GPC4: variants seen among roughly 807,000 people sequenced by gnomAD.
GPC4 encodes the protein glypican 4.
In GPC4, 10 loss-of-function variants were observed where a neutral mutation model predicts 35.0. The observed-to-expected ratio is 0.29, with a 90% confidence interval of 0.18 to 0.48. The LOEUF (loss-of-function observed/expected upper bound fraction) is 0.48. GPC4 is among the 20% of genes least tolerant of loss of function. The pLI is 0.99. For synonymous variants in GPC4, 167 were observed against 170.2 expected, an observed-to-expected ratio of 0.98 and a Z score of 0.15; for missense variants, 322 against 451.3, an observed-to-expected ratio of 0.71 and a Z score of 2.60.
intron 1 of GPC4, among the ~76,000 whole-genome samples, chrX:133,402,825 C>T (rs1276116630): frequency 9.2e-6 from 1 of 108,370 alleles, no homozygotes; most frequent in African/African-American, 3.4e-5. Flanking sequence ...ATCACTTGAA[C>T]CCAGGAGGCA....
At chrX:133,376,420 T>C (rs1031996942) in intron 1 of GPC4, among the ~76,000 whole-genome samples, 3 of 112,686 alleles carry the variant, frequency 2.7e-5, no homozygotes, top group African/African-American at 6.4e-5. Flanking sequence ...CATGCATATG[T>C]GTGCTTGTGT....
Position 133,319,443 on chromosome X carries a change from C to CAAA in GPC4, c.711+4699_711+4701dup, listed in dbSNP as rs369290840. Reference sequence around the variant, plus strand: ...TGGGTGACAGAGCAAGACCCTATGTCAAAAAAAAAAAAAAAAAAAAAAAAA... The same window carrying CAAA: ...TGGGTGACAGAGCAAGACCCTATGTCAAAAAAAAAAAAAAAAAAAAAAAAAAAA... On this transcript the variant is annotated intron_variant, in intron 3 of 8. Coordinates refer to ENST00000370828, the MANE Select transcript of GPC4 (RefSeq NM_001448.3). Among the ~76,000 whole-genome samples the CAAA allele has an allele frequency of 2.7e-3, 46 of 16,872 alleles. 3 individuals are homozygous for CAAA. Among genetic ancestry groups the CAAA allele is most frequent in the African/African-American group, 6.4e-3 (34 of 5,318 alleles). The allele number at this position is 16,872 out of a possible 115,157, so 14.7% of individuals were successfully genotyped here. A position where few individuals can be genotyped will look rare whatever the true frequency, so the allele number is the denominator to read the frequency against.
intron 4 of GPC4, among the ~76,000 whole-genome samples, chrX:133,308,679 A>G (rs1294152025): frequency 9.0e-6 from 1 of 111,338 alleles, no homozygotes; most frequent in Non-Finnish European, 1.9e-5. Flanking sequence ...TTGGAAAACC[A>G]GTTCATCCTT....
chrX:133,396,582 A>G (rs1211420733), intron 1 of GPC4, among the ~76,000 whole-genome samples: 1 of 111,919 alleles, frequency 8.9e-6, no homozygotes, highest in Admixed American at 9.6e-5. Context: ...TCTGCAAAAT[A>G]TGAGGATAAA....
At chrX:133,372,956 A>G (rs1040100647) in intron 1 of GPC4, among the ~76,000 whole-genome samples, 1 of 111,364 alleles carries the variant, frequency 9.0e-6, no homozygotes, top group East Asian at 2.8e-4. Context: ...CTCAACTTCT[A>G]TATCAGGCCC....
intron 1 of GPC4, among the ~76,000 whole-genome samples, chrX:133,384,149 G>C (rs918868683): frequency 9.0e-6 from 1 of 111,701 alleles, no homozygotes; most frequent in Non-Finnish European, 1.9e-5. Context: ...AAATGTAAAA[G>C]GCCTAACAAA....
At chrX:133,305,999 C>G (rs2047583035) in intron 5 of GPC4, 25 bp downstream of exon 5, 1 of 1,208,896 alleles carries the variant, frequency 8.3e-7, no homozygotes, top group African/African-American at 1.8e-5. Flanking sequence ...CCTAGCTCCC[C>G]TTTCCAGCAT....
intron 2 of GPC4, among the ~76,000 whole-genome samples, chrX:133,332,808 G>A (rs932878083): frequency 2.7e-5 from 3 of 112,451 alleles, no homozygotes; most frequent in African/African-American, 9.7e-5. Flanking sequence ...TAGAAATAAT[G>A]CTGTGATGAA....
At chrX:133,386,329 T>C (rs2068690137) in intron 1 of GPC4, among the ~76,000 whole-genome samples, 2 of 110,605 alleles carry the variant, frequency 1.8e-5, no homozygotes, top group African/African-American at 3.3e-5. Context: ...AAAGAATACA[T>C]ATTTGCTTGT....
In GPC4 at chrX:133,327,636, A is replaced by AGTTTGTGTGTGTGTGTGTGTGTGT. The variant is rs1289042509; in HGVS notation, c.320-3101_320-3100insACACACACACACACACACACAAAC. On this transcript the variant is annotated intron_variant, in intron 2 of 8. Transcript: ENST00000370828. Reference sequence around the variant, plus strand: ...CCATGACTCACATTCTGTCCAGGAAAGTGTGTGTGTGTGTGTGTGTGTGTG... The same window carrying AGTTTGTGTGTGTGTGTGTGTGTGT: ...CCATGACTCACATTCTGTCCAGGAAAGTTTGTGTGTGTGTGTGTGTGTGTGTGTGTGTGTGTGTGTGTGTGTGTG... Among the ~76,000 whole-genome samples, 122 of 83,282 alleles carry AGTTTGTGTGTGTGTGTGTGTGTGT rather than the reference A, an allele frequency of 1.5e-3. 1 individual carries two copies. The highest frequency in any genetic ancestry group is 5.2e-3 in the African/African-American group (117 of 22,662). The allele number at this position is 83,282 out of a possible 115,157, so 72.3% of individuals were successfully genotyped here. A position where few individuals can be genotyped will look rare whatever the true frequency, so the allele number is the denominator to read the frequency against.
At chrX:133,303,925 G>GGAAGGAAGGAAA (rs1254692972) in intron 7 of GPC4, among the ~76,000 whole-genome samples, 2 of 106,561 alleles carry the variant, frequency 1.9e-5, no homozygotes, top group Non-Finnish European at 3.9e-5. Context: ...AAGGAAGGAA[G>GGAAGGAAGGAAA]GAAGGAAGGA....
chrX:133,411,352 A>G (rs1439075034), intron 1 of GPC4, among the ~76,000 whole-genome samples: 1 of 112,546 alleles, frequency 8.9e-6, no homozygotes, highest in Non-Finnish European at 1.9e-5. Context: ...CAATTTCAAC[A>G]TAGATGAGTA....
chrX:133,321,661 A>G (rs760572104), intron 3 of GPC4, among the ~76,000 whole-genome samples: 27 of 112,032 alleles, frequency 2.4e-4, no homozygotes, highest in Non-Finnish European at 3.4e-4. Context: ...TGCTGGGTGT[A>G]CCACAATGCA....
chrX:133,367,265 C>G (rs2124156279), intron 1 of GPC4, among the ~76,000 whole-genome samples: 1 of 111,861 alleles, frequency 8.9e-6, no homozygotes, highest in East Asian at 2.8e-4. Flanking sequence ...AAATTCTACT[C>G]TGTGTGATCC....
intron 1 of GPC4, among the ~76,000 whole-genome samples, chrX:133,377,342 C>A (rs904688988): frequency 5.4e-5 from 6 of 111,476 alleles, no homozygotes; most frequent in African/African-American, 2.0e-4. Context: ...AGCACCAGTT[C>A]TTTTTTCAGC....
intron 3 of GPC4, among the ~76,000 whole-genome samples, chrX:133,318,350 T>C (rs1333769033): frequency 8.9e-6 from 1 of 112,467 alleles, no homozygotes; most frequent in Middle Eastern, 4.6e-3. Flanking sequence ...GGCTTCTTGG[T>C]TTCCCACAGT....
At chrX:133,348,732 A>G (rs2068504069) in intron 1 of GPC4, among the ~76,000 whole-genome samples, 1 of 112,514 alleles carries the variant, frequency 8.9e-6, no homozygotes, top group Admixed American at 9.4e-5. Flanking sequence ...TTCAAGTGAT[A>G]TGAAGGAGTC....
chrX:133,397,284 G>A (rs1000651579), intron 1 of GPC4, among the ~76,000 whole-genome samples: 2 of 112,054 alleles, frequency 1.8e-5, no homozygotes, highest in Non-Finnish European at 3.8e-5. Context: ...AATTAGCCAG[G>A]TGTGGTGGCA....
At chrX:133,337,058 A>G (rs1204290788) in intron 2 of GPC4, among the ~76,000 whole-genome samples, 1 of 111,542 alleles carries the variant, frequency 9.0e-6, no homozygotes, top group Non-Finnish European at 1.9e-5. Flanking sequence ...GGCTCAAGCA[A>G]TCTGCCCGCC....
Sources: gnomAD v4.1 joint callset for allele counts (sites outside exome capture counted in the v4.1 genomes callset) on GRCh38, gnomAD v4.1.1 for gene constraint, MANE v1.5 for transcripts, NCBI Gene and HGNC (gene_info 2026-07-23, HGNC 2026-07-21) for gene names.